KHDRBS2: variants seen among roughly 807,000 people sequenced by gnomAD.
KHDRBS2 encodes KH RNA binding domain containing, signal transduction associated 2, also known as KH domain-containing, RNA-binding, signal transduction-associated protein 2.
Under a neutral mutation model 44.3 loss-of-function variants are expected in KHDRBS2, and 26 were observed. That is an observed-to-expected ratio of 0.59 (90% CI 0.43 to 0.81). KHDRBS2 has a LOEUF of 0.81. Ranked by LOEUF, KHDRBS2 falls within the 40% of genes least tolerant of loss-of-function variation. The pLI, the probability that KHDRBS2 is intolerant of heterozygous loss-of-function variation, is 0.00. For synonymous variants in KHDRBS2, 194 were observed against 151.1 expected, an observed-to-expected ratio of 1.28 and a Z score of -2.08; for missense variants, 476 against 433.1, an observed-to-expected ratio of 1.10 and a Z score of -0.88.
At chr6:62,271,112 G>T (rs367708467) in intron 1 of KHDRBS2, among the ~76,000 whole-genome samples, 6 of 152,076 alleles carry the variant, frequency 3.9e-5, no homozygotes, top group East Asian at 3.9e-4. Flanking sequence ...TTAACCTTAA[G>T]TATATATATA....
chr6:61,549,737 T>C, the KHDRBS2 span, among the ~76,000 whole-genome samples: 3 of 152,322 alleles, frequency 2.0e-5, no homozygotes, highest in East Asian at 3.9e-4. Flanking sequence ...AGTAACCTTT[T>C]CAGATGATTA....
intron 1 of KHDRBS2, among the ~76,000 whole-genome samples, chr6:62,200,230 C>A (rs866862062): frequency 9.9e-5 from 15 of 152,226 alleles, no homozygotes; most frequent in Middle Eastern, 3.4e-3. Flanking sequence ...CCAAAATTGA[C>A]AAATGGGATC....
intron 2 of KHDRBS2, among the ~76,000 whole-genome samples, chr6:62,080,152 T>G (rs563902050): frequency 9.2e-5 from 14 of 152,120 alleles, no homozygotes; most frequent in Non-Finnish European, 2.1e-4. Flanking sequence ...TTCAGAGACA[T>G]GTTACCTAAG....
At chr6:61,554,931 G>T in the KHDRBS2 span, among the ~76,000 whole-genome samples, 1 of 152,078 alleles carries the variant, frequency 6.6e-6, no homozygotes, top group African/African-American at 2.4e-5. Flanking sequence ...CTCTCTAGCT[G>T]CTTTTAACAT....
chr6:61,896,061 G>A (rs1452769998), intron 5 of KHDRBS2, among the ~76,000 whole-genome samples: 2 of 152,140 alleles, frequency 1.3e-5, no homozygotes, highest in Admixed American at 6.5e-5. Flanking sequence ...CAAAGACCCA[G>A]AGGCCCAGTG....
At chr6:61,894,911 C>G in intron 5 of KHDRBS2, 78 bp from the exon 6 acceptor site, 1 of 876,756 alleles carries the variant, frequency 1.1e-6, no homozygotes, top group Non-Finnish European at 1.8e-6. Context: ...GTTTTCATCT[C>G]ACAGCCTCCA....
At chr6:61,642,475 C>G in the KHDRBS2 span, among the ~76,000 whole-genome samples, 17 of 142,624 alleles carry the variant, frequency 1.2e-4, no homozygotes, top group Admixed American at 1.2e-3. Flanking sequence ...GGGCAACAAG[C>G]TGAAACTCTG....
intron 1 of KHDRBS2, among the ~76,000 whole-genome samples, chr6:62,231,269 T>C (rs1351960753): frequency 1.3e-5 from 2 of 152,138 alleles, no homozygotes; most frequent in East Asian, 3.9e-4. Context: ...GAGGTTTAAT[T>C]GACTAACAAT....
intron 2 of KHDRBS2, among the ~76,000 whole-genome samples, chr6:62,118,114 A>G (rs1187481771): frequency 6.6e-6 from 1 of 152,158 alleles, no homozygotes; most frequent in Non-Finnish European, 1.5e-5. Context: ...ATAGGTGTCT[A>G]GTTTCTTTCT....
chr6:62,134,260 A>G (rs1811002152), intron 2 of KHDRBS2, among the ~76,000 whole-genome samples: 1 of 152,100 alleles, frequency 6.6e-6, no homozygotes, highest in Non-Finnish European at 1.5e-5. Context: ...GCCATAGCTA[A>G]AAGAGGCCAA....
intron 2 of KHDRBS2, among the ~76,000 whole-genome samples, chr6:62,072,650 T>C (rs920730063): frequency 6.6e-6 from 1 of 152,182 alleles, no homozygotes; most frequent in African/African-American, 2.4e-5. Context: ...CATTTATTGA[T>C]TTGCATATGT....
At chr6:62,284,370 T>C (rs1842190527) in intron 1 of KHDRBS2, among the ~76,000 whole-genome samples, 1 of 152,144 alleles carries the variant, frequency 6.6e-6, no homozygotes, top group Non-Finnish European at 1.5e-5. Flanking sequence ...GAAAATATAT[T>C]GAAGACTATT....
At chr6:61,635,605 A>T in the KHDRBS2 span, among the ~76,000 whole-genome samples, 2 of 151,926 alleles carry the variant, frequency 1.3e-5, no homozygotes, top group Non-Finnish European at 2.9e-5. Context: ...ATGAAGATAA[A>T]CTGAAATGAA....
chr6:61,594,567 T>C, the KHDRBS2 span, among the ~76,000 whole-genome samples: 7 of 152,116 alleles, frequency 4.6e-5, no homozygotes, highest in African/African-American at 1.4e-4. Context: ...GAGATGCAAT[T>C]GACAAACTCC....
At chr6:61,552,709 G>T in the KHDRBS2 span, among the ~76,000 whole-genome samples, 10 of 152,136 alleles carry the variant, frequency 6.6e-5, no homozygotes, top group Non-Finnish European at 1.0e-4. Flanking sequence ...TAACATAAAG[G>T]GATGTTGAAT....
chr6:61,772,515 T>A (rs1781112879), intron 6 of KHDRBS2, among the ~76,000 whole-genome samples: 1 of 152,170 alleles, frequency 6.6e-6, no homozygotes, highest in Admixed American at 6.6e-5. Context: ...CAAACTACCA[T>A]CAGAGAATAC....
intron 1 of KHDRBS2, among the ~76,000 whole-genome samples, chr6:62,247,704 T>C (rs1274128533): frequency 2.0e-5 from 3 of 152,012 alleles, no homozygotes; most frequent in Non-Finnish European, 4.4e-5. Context: ...GGAGCAATCA[T>C]CGCTATGAAG....
At chr6:61,724,968 A>T (rs1773315537) in intron 7 of KHDRBS2, among the ~76,000 whole-genome samples, 1 of 152,168 alleles carries the variant, frequency 6.6e-6, no homozygotes, top group Admixed American at 6.6e-5. Flanking sequence ...GACCTGATAG[A>T]TATATACAGA....
chr6:61,600,924 G>A, the KHDRBS2 span, among the ~76,000 whole-genome samples: 11 of 152,070 alleles, frequency 7.2e-5, no homozygotes, highest in South Asian at 2.1e-4. Flanking sequence ...AAAGAGATGC[G>A]TTTTATCTAT....
Sources: gnomAD v4.1 joint callset for allele counts (sites outside exome capture counted in the v4.1 genomes callset) on GRCh38, gnomAD v4.1.1 for gene constraint, MANE v1.5 for transcripts, NCBI Gene and HGNC (gene_info 2026-07-23, HGNC 2026-07-21) for gene names.